SMAD7: variants seen among roughly 807,000 people sequenced by gnomAD.
The protein encoded by SMAD7 is SMAD family member 7.
SMAD7 carries 8 observed loss-of-function variants against 38.7 expected under a neutral mutation model. The ratio of observed to expected loss-of-function variants is 0.21; its 90% CI spans 0.12 to 0.37. SMAD7 has a LOEUF of 0.37. Ranked by LOEUF, SMAD7 falls within the 10% of genes least tolerant of loss-of-function variation. The probability of loss-of-function intolerance (pLI) is 1.00; values close to 1 mark genes in which losing one functional copy is unlikely to be tolerated. For synonymous variants in SMAD7, 327 were observed against 265.1 expected (o/e 1.23, Z -2.27); for missense variants, 477 against 577.9 (o/e 0.83, Z 1.79).
intron 3 of SMAD7, among the ~76,000 whole-genome samples, chr18:48,941,312 G>A (rs1178648774): frequency 1.3e-5 from 2 of 152,118 alleles, no homozygotes; most frequent in Non-Finnish European, 2.9e-5. Flanking sequence ...AATACCCTCA[G>A]TCTCAGATAA....
chr18:48,922,831 C>T (rs985461138), intron 3 of SMAD7, among the ~76,000 whole-genome samples: 1 of 152,140 alleles, frequency 6.6e-6, no homozygotes, highest in African/African-American at 2.4e-5. Context: ...GCTCCGCCCT[C>T]ATCCCTCCCC....
At chr18:48,928,342 G>A (rs1276035496) in intron 3 of SMAD7, among the ~76,000 whole-genome samples, 1 of 152,160 alleles carries the variant, frequency 6.6e-6, no homozygotes, top group Non-Finnish European at 1.5e-5. Context: ...ACCACTTTGA[G>A]GAGCAGGGTA....
Position 48,921,307 on chromosome 18 carries a change from T to C in SMAD7, c.*65A>G, listed in dbSNP as rs2069856008. ...GAAAAGCAAGCACTCAGGAGGAAAA[T>C]ATTAGCAGCAAAGTAGTTTGAAGTG... On this transcript the variant is annotated 3_prime_UTR_variant, in exon 4 of 4. Coordinates refer to ENST00000262158, the MANE Select transcript of SMAD7 (RefSeq NM_005904.4). This position sits in a 1 kb window ranked among gnomAD's most constrained non-coding sequence, Gnocchi z 6.4. 2.1e-6 allele frequency: 3 copies of C among 1,395,872 alleles called. No individual in the cohort carries two copies. The highest frequency in any genetic ancestry group is 2.9e-6 in the Non-Finnish European group (3 of 1,035,880). 86.5% of individuals were successfully genotyped at this position (1,395,872 alleles called of 1,614,324 possible).
chr18:48,941,742 T>C (rs2070142104), intron 3 of SMAD7, among the ~76,000 whole-genome samples: 1 of 152,204 alleles, frequency 6.6e-6, no homozygotes, highest in Non-Finnish European at 1.5e-5. Flanking sequence ...CCCATGTACA[T>C]AACCAGTGAG....
At chr18:48,929,393 A>C (rs2069965577) in intron 3 of SMAD7, among the ~76,000 whole-genome samples, 1 of 152,000 alleles carries the variant, frequency 6.6e-6, no homozygotes, top group Non-Finnish European at 1.5e-5. Context: ...TGTCCAAGAG[A>C]AACTACCAAG....
At chr18:48,942,662 A>G (rs952316505) in intron 2 of SMAD7, 107 bp from the exon 3 acceptor site, 3 of 1,592,860 alleles carry the variant, frequency 1.9e-6, no homozygotes, top group Non-Finnish European at 2.6e-6. Flanking sequence ...CACACATTCC[A>G]AAAGGCTGAC....
intron 3 of SMAD7, among the ~76,000 whole-genome samples, chr18:48,942,273 G>A (rs78886805): frequency 3.3e-5 from 5 of 152,270 alleles, no homozygotes; most frequent in South Asian, 2.1e-4. Flanking sequence ...TCCACGGAAC[G>A]GATCCAGTGT....
rs762607404 is a variant in SMAD7, at chr18:48,942,566, G to C, written c.668-11C>G. On this transcript the variant is annotated splice_polypyrimidine_tract_variant and intron_variant, in intron 2 of 3. Coordinates refer to ENST00000262158, the MANE Select transcript of SMAD7 (RefSeq NM_005904.4). Reference sequence around the variant, plus strand: ...CATCTGGACAGTCTGCTGTGGATTTGAAAAGGGGAGAGAAAGAAATAAATA... The same window carrying C: ...CATCTGGACAGTCTGCTGTGGATTTCAAAAGGGGAGAGAAAGAAATAAATA... The C allele has an allele frequency of 6.2e-7, 1 of 1,613,606 alleles. No individual in the cohort carries two copies. Among genetic ancestry groups the C allele is most frequent in the South Asian group, 1.1e-5 (1 of 91,032 alleles).
chr18:48,926,287 G>C (rs951679220), intron 3 of SMAD7, among the ~76,000 whole-genome samples: 1 of 152,082 alleles, frequency 6.6e-6, no homozygotes, highest in Non-Finnish European at 1.5e-5. Context: ...TGGGGAGGGG[G>C]TCCCCCAAGA....
intron 3 of SMAD7, among the ~76,000 whole-genome samples, chr18:48,939,968 G>A (rs2070118398): frequency 6.6e-6 from 1 of 151,844 alleles, no homozygotes; most frequent in Non-Finnish European, 1.5e-5. Flanking sequence ...TTGAAAAGGA[G>A]GAGGTTTGGG....
At chr18:48,942,582 G>T (rs1191633281) in intron 2 of SMAD7, 27 bp from the exon 3 acceptor site, 11 of 1,613,330 alleles carry the variant, frequency 6.8e-6, no homozygotes, top group African/African-American at 1.3e-5. Flanking sequence ...GGGAGAGAAA[G>T]AAATAAATAC....
chr18:48,949,641 A>T (rs750820788), intron 1 of SMAD7, among the ~76,000 whole-genome samples, 171 bp downstream of exon 1: 24 of 151,048 alleles, frequency 1.6e-4, no homozygotes. Flanking sequence ...TTCAGCCCCC[A>T]GTCTCTTCCC....
At chr18:48,925,861 C>T (rs2069921499) in intron 3 of SMAD7, among the ~76,000 whole-genome samples, 1 of 152,168 alleles carries the variant, frequency 6.6e-6, no homozygotes, top group Admixed American at 6.5e-5. Context: ...ATTCTCCTGC[C>T]TCAGCCTCCC....
At chr18:48,949,654 G>A (rs1168063991) in intron 1 of SMAD7, among the ~76,000 whole-genome samples, 158 bp downstream of exon 1, 2 of 149,178 alleles carry the variant, frequency 1.3e-5, no homozygotes, top group Non-Finnish European at 3.0e-5. Flanking sequence ...CTCTTCCCAG[G>A]AGGGTATGCA....
chr18:48,947,900 C>G (rs1033224467), intron 2 of SMAD7, among the ~76,000 whole-genome samples: 9 of 150,424 alleles, frequency 6.0e-5, no homozygotes, highest in African/African-American at 7.3e-5. Context: ...CTACCCCCCC[C>G]CCCCTTTTAC....
chr18:48,923,704 C>G (rs1054507046), intron 3 of SMAD7, among the ~76,000 whole-genome samples: 1 of 152,082 alleles, frequency 6.6e-6, no homozygotes, highest in Non-Finnish European at 1.5e-5. Context: ...CCAACCCCCA[C>G]TAAAAATCAA....
At chr18:48,949,555 G>A (rs1455115513) in intron 1 of SMAD7, among the ~76,000 whole-genome samples, 1 of 152,034 alleles carries the variant, frequency 6.6e-6, no homozygotes, top group Non-Finnish European at 1.5e-5. Context: ...AGACCCCTTC[G>A]GGGCAACACA....
chr18:48,926,038 A>G lies in SMAD7; in HGVS notation c.743-4128T>C, dbSNP rs567653021. Among the ~76,000 whole-genome samples, 15 of 152,262 alleles carry G rather than the reference A, an allele frequency of 9.9e-5. No individual in the cohort carries two copies. In the South Asian group the frequency reaches 2.9e-3, roughly 29 times the overall value. ...TGGGATTATAGGCGTGAGCCGCCGC[A>G]CCCAGACCCCTTCTTAAATTTTTAA... On this transcript the variant is annotated intron_variant, in intron 3 of 3. Coordinates refer to ENST00000262158, the MANE Select transcript of SMAD7 (RefSeq NM_005904.4).
chr18:48,946,059 G>A (rs1394686452), intron 2 of SMAD7, among the ~76,000 whole-genome samples: 2 of 152,178 alleles, frequency 1.3e-5, no homozygotes, highest in Admixed American at 6.5e-5. Context: ...TAGCAAAATG[G>A]AGTTCCTAGC....
Sources: gnomAD v4.1 joint callset for allele counts (sites outside exome capture counted in the v4.1 genomes callset) on GRCh38, gnomAD v4.1.1 for gene constraint, Gnocchi (gnomAD v3.1) non-coding constraint, MANE v1.5 for transcripts, NCBI Gene and HGNC (gene_info 2026-07-23, HGNC 2026-07-21) for gene names.